MBD5: variants seen among roughly 807,000 people sequenced by gnomAD.
The protein encoded by MBD5 is methyl-CpG-binding domain protein 5.
Under a neutral mutation model 117.3 loss-of-function variants are expected in MBD5, and 13 were observed. The observed-to-expected ratio is 0.11, with a 90% CI of 0.07 to 0.18. The LOEUF is 0.18. MBD5 is among the 10% of genes least tolerant of loss of function. The probability of loss-of-function intolerance (pLI) is 1.00; values close to 1 mark genes in which losing one functional copy is unlikely to be tolerated. For synonymous variants in MBD5, 727 were observed against 766.4 expected, an observed-to-expected ratio of 0.95 and a Z score of 0.85; for missense variants, 1,879 against 2,093.8, an observed-to-expected ratio of 0.90 and a Z score of 2.00.
At chr2:148,123,343 A>C (rs1057333778) in intron 1 of MBD5, among the ~76,000 whole-genome samples, 3 of 152,250 alleles carry the variant, frequency 2.0e-5, no homozygotes, top group African/African-American at 7.2e-5. Flanking sequence ...GTAGAAAGCT[A>C]TTATAATCCA....
At chr2:148,068,811 C>T (rs1228114770) in intron 1 of MBD5, among the ~76,000 whole-genome samples, 1 of 152,112 alleles carries the variant, frequency 6.6e-6, no homozygotes, top group Non-Finnish European at 1.5e-5. Context: ...TTCTCTGTAT[C>T]ATGTTGATAA....
intron 1 of MBD5, among the ~76,000 whole-genome samples, chr2:148,141,644 A>G (rs889379321): frequency 1.3e-5 from 2 of 152,060 alleles, no homozygotes; most frequent in African/African-American, 4.8e-5. Context: ...GTAAAAACCA[A>G]AAGCCAGGCA....
At chr2:148,102,992 C>T (rs1025914021) in intron 1 of MBD5, among the ~76,000 whole-genome samples, 6 of 151,956 alleles carry the variant, frequency 3.9e-5, no homozygotes, top group Non-Finnish European at 7.4e-5. Flanking sequence ...CCAGAACATT[C>T]TAACTCACCA....
At chr2:148,372,853 A>C (rs781746020) in intron 4 of MBD5, among the ~76,000 whole-genome samples, 2 of 152,000 alleles carry the variant, frequency 1.3e-5, no homozygotes, top group Non-Finnish European at 2.9e-5. Context: ...TTCTACTTGA[A>C]CCTGGAATGT....
At chr2:148,352,748 A>G (rs895151561) in intron 4 of MBD5, among the ~76,000 whole-genome samples, 7 of 152,098 alleles carry the variant, frequency 4.6e-5, no homozygotes, top group African/African-American at 1.7e-4. Context: ...TATACCTCTT[A>G]TGGAATGCTT....
chr2:148,411,974 T>C (rs1379504944), intron 4 of MBD5, among the ~76,000 whole-genome samples: 1 of 152,204 alleles, frequency 6.6e-6, no homozygotes, highest in Admixed American at 6.5e-5. Flanking sequence ...TCCAGGGTTT[T>C]TATAGTTTAA....
At chr2:148,294,507 T>TGTTTTTTGTTTTTTG (rs1701595582) in intron 3 of MBD5, among the ~76,000 whole-genome samples, 2 of 124,216 alleles carry the variant, frequency 1.6e-5, no homozygotes, top group African/African-American at 6.5e-5. Flanking sequence ...TACAGTTTTT[T>TGTTTTTTGTTTTTTG]TTTTTTTTTT....
At chr2:148,313,093 T>G (rs947559209) in intron 3 of MBD5, among the ~76,000 whole-genome samples, 1 of 152,134 alleles carries the variant, frequency 6.6e-6, no homozygotes, top group Non-Finnish European at 1.5e-5. Context: ...TGTCGACCCT[T>G]GCTGGTAGGT....
At chr2:148,311,121 T>C (rs1273840802) in intron 3 of MBD5, among the ~76,000 whole-genome samples, 4 of 152,254 alleles carry the variant, frequency 2.6e-5, no homozygotes, top group African/African-American at 9.6e-5. Context: ...ATGTGTATTC[T>C]GTTGATTTGG....
chr2:148,451,640 C>G (rs937470740), intron 4 of MBD5, among the ~76,000 whole-genome samples: 2 of 152,076 alleles, frequency 1.3e-5, no homozygotes, highest in African/African-American at 4.8e-5. Flanking sequence ...CTCAGACTTC[C>G]CTCTCCACAA....
At chr2:148,203,551 C>T (rs1345534956) in intron 2 of MBD5, among the ~76,000 whole-genome samples, 1 of 152,086 alleles carries the variant, frequency 6.6e-6, no homozygotes, top group Non-Finnish European at 1.5e-5. Flanking sequence ...ACCTAGCTAC[C>T]TATTTTCAAG....
chr2:148,036,031 AAAAC>A (rs1356216179), intron 1 of MBD5, among the ~76,000 whole-genome samples: 1 of 152,198 alleles, frequency 6.6e-6, no homozygotes, highest in East Asian at 1.9e-4. Flanking sequence ...TTGGTACAAT[AAAAC>A]AAATTCTATT....
At chr2:148,048,593 T>G (rs187119222) in intron 1 of MBD5, among the ~76,000 whole-genome samples, 1 of 152,210 alleles carries the variant, frequency 6.6e-6, no homozygotes, top group African/African-American at 2.4e-5. Context: ...GAAGAGCAGT[T>G]TGCTGTTTTG....
intron 2 of MBD5, among the ~76,000 whole-genome samples, chr2:148,203,038 G>T (rs1337042242): frequency 6.7e-6 from 1 of 150,346 alleles, no homozygotes; most frequent in Admixed American, 6.6e-5. Flanking sequence ...TTGGGAGGTG[G>T]AGGTTGCACT....
chr2:148,360,403 T>C (rs904750683), intron 4 of MBD5, among the ~76,000 whole-genome samples: 14 of 152,148 alleles, frequency 9.2e-5, no homozygotes, highest in East Asian at 1.9e-4. Flanking sequence ...TCTCAGAGAA[T>C]AGGAAAAACA....
At chr2:148,357,597 G>A (rs1246160975) in intron 4 of MBD5, among the ~76,000 whole-genome samples, 1 of 151,260 alleles carries the variant, frequency 6.6e-6, no homozygotes, top group Non-Finnish European at 1.5e-5. Flanking sequence ...AAATTATCTT[G>A]CATTATTTTC....
At position 148,389,109 on chromosome 2, in the gene MBD5, G is replaced by T. The variant is rs1018869608; in HGVS notation, c.-557+46773G>T. ...TCTGTTTCTGAGTTACTTCACATAG[G>T]ATAATGGCCTCCTGCTCCATCCATG... On this transcript the variant is annotated intron_variant, in intron 4 of 13. Coordinates refer to ENST00000642680, the MANE Select transcript of MBD5 (RefSeq NM_001378120.1). Among the ~76,000 whole-genome samples, 10 of 149,252 alleles carry T rather than the reference G, an allele frequency of 6.7e-5. No individual in the cohort carries two copies. In the East Asian group the frequency reaches 2.0e-3, roughly 30 times the overall value.
intron 11 of MBD5, among the ~76,000 whole-genome samples, chr2:148,501,838 G>C (rs936077152): frequency 6.6e-6 from 1 of 152,146 alleles, no homozygotes; most frequent in African/African-American, 2.4e-5. Flanking sequence ...TGTGTACTAG[G>C]TCATGATCAT....
chr2:148,030,528 C>T (rs146811105), intron 1 of MBD5, among the ~76,000 whole-genome samples: 2 of 151,884 alleles, frequency 1.3e-5, no homozygotes, highest in Non-Finnish European at 2.9e-5. Flanking sequence ...ACTATTTATA[C>T]CATAAAGACA....
Sources: gnomAD v4.1 joint callset for allele counts (sites outside exome capture counted in the v4.1 genomes callset) on GRCh38, gnomAD v4.1.1 for gene constraint, MANE v1.5 for transcripts, NCBI Gene and HGNC (gene_info 2026-07-23, HGNC 2026-07-21) for gene names.